Variants in SNCAIP observed in about 807,000 individuals in gnomAD.
SNCAIP encodes the protein synphilin-1.
In SNCAIP, 43 loss-of-function variants were observed where a neutral mutation model predicts 86.7. That is an observed-to-expected ratio of 0.50 (90% CI 0.39 to 0.64). The LOEUF (loss-of-function observed/expected upper bound fraction) is 0.64, where lower values mean the gene tolerates loss of function less well. Among genes scored for constraint, SNCAIP ranks in the 30% least tolerant of loss-of-function variants. The probability of loss-of-function intolerance (pLI) is 0.00; values close to 1 mark genes in which losing one functional copy is unlikely to be tolerated. For missense variants in SNCAIP, 981 were observed against 1,103.1 expected (o/e 0.89, Z 1.57); for synonymous variants, 417 against 427.2 (o/e 0.98, Z 0.29).
chr5:122,332,740 G>A (rs1755638141), intron 1 of SNCAIP, among the ~76,000 whole-genome samples: 1 of 152,170 alleles, frequency 6.6e-6, no homozygotes, highest in Non-Finnish European at 1.5e-5. Flanking sequence ...GCTGGCTGAG[G>A]GATCTTGGTA....
At chr5:122,336,205 T>A (rs913558621) in intron 1 of SNCAIP, among the ~76,000 whole-genome samples, 1 of 151,660 alleles carries the variant, frequency 6.6e-6, no homozygotes, top group Non-Finnish European at 1.5e-5. Flanking sequence ...AGAGAGAGAG[T>A]GTGTAACAGA....
rs748192452 is a variant in SNCAIP, at chr5:122,425,551, A to G, written c.1182+20A>G. ...ATTAAGGTGACTGGTTGGGGGCTGG[A>G]ACCTCCACAGCTAGAAGCTGGATTT... On this transcript the variant is annotated intron_variant, in intron 5 of 10. Coordinates refer to ENST00000261368, the MANE Select transcript of SNCAIP (RefSeq NM_005460.4). 1.9e-6 allele frequency: 3 copies of G among 1,601,666 alleles called. No homozygotes were observed. The highest frequency in any genetic ancestry group is 2.6e-6 in the Non-Finnish European group (3 of 1,168,766).
chr5:122,387,193 C>A (rs1294022262), intron 1 of SNCAIP, among the ~76,000 whole-genome samples: 1 of 152,158 alleles, frequency 6.6e-6, no homozygotes, highest in East Asian at 1.9e-4. Context: ...GAGTCTCGTT[C>A]TGTCACCCAG....
At chr5:122,403,925 A>G (rs997560541) in intron 3 of SNCAIP, 60 bp downstream of exon 3, 35 of 1,348,444 alleles carry the variant, frequency 2.6e-5, no homozygotes, top group Non-Finnish European at 3.7e-5. Flanking sequence ...GCTCCTGGAA[A>G]GCTGTTTTTC....
chr5:122,365,712 G>C lies in SNCAIP; in HGVS notation c.-46-25377G>C, dbSNP rs1249985431. Among the ~76,000 whole-genome samples the C allele has an allele frequency of 2.6e-5, 4 of 151,982 alleles. No individual in the cohort carries two copies. In the South Asian group the frequency reaches 8.3e-4, roughly 32 times the overall value. The stretch of plus-strand genomic sequence containing the variant: ...AAAAGAAAAAGAAAGATCCCTGTTT[G>C]GTCTCATGGTTTTATTCATTAATAC... On this transcript the variant is annotated intron_variant, in intron 1 of 10. Transcript: ENST00000261368.
chr5:122,462,797 C>A (rs1004619975), intron 10 of SNCAIP, among the ~76,000 whole-genome samples: 5 of 152,120 alleles, frequency 3.3e-5, no homozygotes, highest in African/African-American at 1.2e-4. Context: ...TGTCCACCCT[C>A]AGAATATAGC....
At chr5:122,326,600 T>C (rs1183193769) in intron 1 of SNCAIP, among the ~76,000 whole-genome samples, 1 of 133,910 alleles carries the variant, frequency 7.5e-6, no homozygotes, top group Non-Finnish European at 1.6e-5. Flanking sequence ...ACTTCAGAAA[T>C]GTCTCCTTTT....
intron 1 of SNCAIP, among the ~76,000 whole-genome samples, chr5:122,359,004 G>A (rs1761668519): frequency 6.6e-6 from 1 of 151,506 alleles, no homozygotes; most frequent in South Asian, 2.1e-4. Flanking sequence ...GCTTTTTAAT[G>A]GTTTCTTAAA....
At chr5:122,351,536 C>CAAAAAAGAAAAAAAAAAAAAAA (rs1759798306) in intron 1 of SNCAIP, among the ~76,000 whole-genome samples, 1 of 36,492 alleles carries the variant, frequency 2.7e-5, no homozygotes, top group African/African-American at 8.4e-5. Context: ...GACTCTGTAT[C>CAAAAAAGAAAAAAAAAAAAAAA]AAAAAAAAAA....
chr5:122,435,871 G>A (rs1581235732), intron 6 of SNCAIP, among the ~76,000 whole-genome samples: 1 of 152,092 alleles, frequency 6.6e-6, no homozygotes, highest in Non-Finnish European at 1.5e-5. Context: ...AAAGTGCTGC[G>A]ATCACAGATG....
At chr5:122,427,229 G>A (rs776096178) in intron 5 of SNCAIP, among the ~76,000 whole-genome samples, 1 of 152,218 alleles carries the variant, frequency 6.6e-6, no homozygotes, top group Middle Eastern at 3.4e-3. Flanking sequence ...TGAGTAGAAG[G>A]TACATAAGAA....
rs188755929 is a variant in SNCAIP, at chr5:122,418,630, G to A, written c.131-4238G>A. Among the ~76,000 whole-genome samples the A allele has an allele frequency of 5.9e-5, 9 of 152,254 alleles. No individual in the cohort carries two copies. In the East Asian group the frequency reaches 1.5e-3, roughly 26 times the overall value. ...AATAGGGAATTGTAAGTTTTGGAAAGGAGTTAAATTCATTCTAGCACCAAA... is the reference window on the plus strand; with the variant it reads ...AATAGGGAATTGTAAGTTTTGGAAAAGAGTTAAATTCATTCTAGCACCAAA... On this transcript the variant is annotated intron_variant, in intron 3 of 10. Transcript: ENST00000261368.
chr5:122,411,179 GA>G (rs1327835836), intron 3 of SNCAIP, among the ~76,000 whole-genome samples: 2 of 152,166 alleles, frequency 1.3e-5, no homozygotes, highest in Non-Finnish European at 1.5e-5. Flanking sequence ...AAAAAAGGAT[GA>G]AAAATGGGAA....
rs567142182 is a variant in SNCAIP, at chr5:122,406,600, T to G, written c.130+2735T>G. On this transcript the variant is annotated intron_variant, in intron 3 of 10. Transcript: ENST00000261368. ...CGCCATCTCCTTGGTACCATCCTTG[T>G]GATGGTGAGTGAGTTCTCATGAGAT... 2.0e-3 allele frequency among the ~76,000 whole-genome samples: 310 copies of G among 152,266 alleles called. 3 individuals carry two copies. Among genetic ancestry groups the G allele is most frequent in the African/African-American group, 7.1e-3 (293 of 41,552 alleles).
intron 8 of SNCAIP, among the ~76,000 whole-genome samples, chr5:122,446,573 G>A (rs920182054): frequency 6.6e-6 from 1 of 152,230 alleles, no homozygotes; most frequent in African/African-American, 2.4e-5. Flanking sequence ...CTCCAGAACA[G>A]AATGCTGTGG....
intron 1 of SNCAIP, among the ~76,000 whole-genome samples, chr5:122,377,055 A>G (rs1285043371): frequency 6.6e-6 from 1 of 152,176 alleles, no homozygotes; most frequent in African/African-American, 2.4e-5. Flanking sequence ...ATACTTACAA[A>G]GTCTTTACTG....
chr5:122,456,356 G>A (rs1289690110), intron 10 of SNCAIP, among the ~76,000 whole-genome samples: 2 of 152,136 alleles, frequency 1.3e-5, no homozygotes, highest in Non-Finnish European at 2.9e-5. Flanking sequence ...GGTCTGCTTC[G>A]CCAGTAGTGA....
chr5:122,390,300 G>T (rs1312493337), intron 1 of SNCAIP, among the ~76,000 whole-genome samples: 1 of 152,158 alleles, frequency 6.6e-6, no homozygotes, highest in Non-Finnish European at 1.5e-5. Context: ...GACATCTGTA[G>T]GTGCCTCTGC....
intron 3 of SNCAIP, among the ~76,000 whole-genome samples, chr5:122,419,562 A>T (rs2617289): frequency 0.32 from 48,299 of 151,442 alleles, 8,005 homozygotes; most frequent in Non-Finnish European, 0.35. Flanking sequence ...AGTCATTATG[A>T]ATCTACTTAT....
Sources: allele counts gnomAD v4.1 joint callset (sites outside exome capture counted in the v4.1 genomes callset), GRCh38; gene constraint gnomAD v4.1.1; transcripts MANE v1.5; gene names NCBI Gene and HGNC (gene_info 2026-07-23, HGNC 2026-07-21).